The following KDM1B variants were observed in gnomAD, a reference collection of about 807,000 sequenced individuals.
KDM1B encodes lysine-specific histone demethylase 2.
In KDM1B, 63 loss-of-function variants were observed where a neutral mutation model predicts 107.4. The observed-to-expected ratio is 0.59, with a 90% CI of 0.48 to 0.72. KDM1B has a LOEUF of 0.72. Ranked by LOEUF, KDM1B falls within the 30% of genes least tolerant of loss-of-function variation. The pLI is 0.00. For missense variants in KDM1B, 749 were observed against 1,020.8 expected (o/e 0.73, Z 3.63); for synonymous variants, 363 against 363.9 (o/e 1.00, Z 0.03).
At position 18,165,561 on chromosome 6, in the gene KDM1B, G is replaced by A. The variant is rs145525383; in HGVS notation, c.306-706G>A. On this transcript the variant is annotated intron_variant, in intron 5 of 21. Transcript: ENST00000650836. ...TTCTAGGCTAGGTGCAGTGGCTCAC[G>A]CCTATAATCCCAGCACTTTGGAAGG... is the stretch of plus-strand genomic sequence containing the variant. Among the ~76,000 whole-genome samples, 11 of 152,222 alleles carry A rather than the reference G, an allele frequency of 7.2e-5. No homozygotes were observed. In the East Asian group the frequency reaches 1.2e-3, roughly 16 times the overall value.
rs371690485 is a variant in KDM1B at position 18,222,690 on chromosome 6, A to C, written c.*698A>C. ...CCAGATAGGTATTGTATCATTGAGA[A>C]TGCAGCACAGATAGTGTGGGCTTCA... On this transcript the variant is annotated 3_prime_UTR_variant, in exon 22 of 22. Coordinates refer to ENST00000650836, the MANE Select transcript of KDM1B (RefSeq NM_001364614.2). 1 of 155,860 alleles carries C rather than the reference A, an allele frequency of 6.4e-6. No homozygotes were observed. Among genetic ancestry groups the C allele is most frequent in the Non-Finnish European group, 1.4e-5 (1 of 70,312 alleles). 9.7% of individuals were successfully genotyped at this position (155,860 alleles called of 1,614,324 possible).
intron 10 of KDM1B, among the ~76,000 whole-genome samples, chr6:18,192,082 G>C: frequency 6.6e-6 from 1 of 151,898 alleles, no homozygotes. Context: ...AACATAATGA[G>C]ACCCCCCCAT....
rs1787722527 is a variant in KDM1B, at chr6:18,197,456, T to G, written c.1147-131T>G. ...AATAAGACAAGTGCCACCACATTCT[T>G]TAGGAAAATAACTTTCTAAGGACAT... On this transcript the variant is annotated intron_variant, in intron 11 of 21. Transcript: ENST00000650836. The surrounding 1 kb of genome is among the most constrained non-coding windows in gnomAD (Gnocchi z 4.5). The G allele has an allele frequency of 3.6e-6, 3 of 834,200 alleles. No individual in the cohort carries two copies. The highest frequency in any genetic ancestry group is 1.5e-5 in the South Asian group (1 of 65,748). 51.7% of individuals were successfully genotyped at this position (834,200 alleles called of 1,614,324 possible).
chr6:18,212,597 T>A lies in KDM1B; in HGVS notation c.1976T>A (p.Ile659Asn). 1 of 1,607,766 alleles carries A rather than the reference T, an allele frequency of 6.2e-7. No homozygotes were observed. The highest frequency in any genetic ancestry group is 2.2e-5 in the East Asian group (1 of 44,864). Residue 659 changes from isoleucine (I) to asparagine (N), a missense_variant, in exon 18 of 22, where the codon ATT becomes AAT. Coordinates refer to ENST00000650836, the MANE Select transcript of KDM1B (RefSeq NM_001364614.2). This position sits in a 1 kb window ranked among gnomAD's most constrained non-coding sequence, Gnocchi z 5.2. The part of the protein sequence containing the change: ...KAINSLGAGI[I>N]EKIALQFPYR... ...ATCAACAGCTTAGGCGCAGGCATCA[T>A]TGAAAAGGTGACTGAAATGACCTCA...
chr6:18,156,705 G>C (rs949474227), intron 2 of KDM1B, among the ~76,000 whole-genome samples: 1 of 152,026 alleles, frequency 6.6e-6, no homozygotes, highest in Non-Finnish European at 1.5e-5. Flanking sequence ...CTTGAGGTCA[G>C]GAGTACTTCA....
intron 10 of KDM1B, among the ~76,000 whole-genome samples, chr6:18,195,856 C>T (rs978931644): frequency 6.6e-6 from 1 of 152,020 alleles, no homozygotes; most frequent in African/African-American, 2.4e-5. Flanking sequence ...AAACTCTCTC[C>T]ATGATATTCA....
chr6:18,198,401 G>C (rs755379339), intron 12 of KDM1B, among the ~76,000 whole-genome samples: 3 of 150,302 alleles, frequency 2.0e-5, no homozygotes, highest in Non-Finnish European at 4.4e-5. Context: ...GCTAATTTTT[G>C]TATTTTTGGT....
At chr6:18,217,504 G>A (rs568875148) in intron 20 of KDM1B, among the ~76,000 whole-genome samples, 8 of 150,528 alleles carry the variant, frequency 5.3e-5, no homozygotes, top group African/African-American at 7.3e-5. Context: ...TCAGCCTCCC[G>A]AGTAGCTGGG....
chr6:18,217,833 C>A lies in KDM1B; in HGVS notation c.2333C>A (p.Ala778Asp), dbSNP rs773264009. The stretch of plus-strand genomic sequence containing the variant: ...GTGAAGACAGGTGGAAGTGGGGAGG[C>A]CTACGATATCATTGCTGAAGACATT... ...SFVKTGGSGEAYDIIAEDIQG... is the reference protein window; with the variant it reads ...SFVKTGGSGEDYDIIAEDIQG... The change falls in exon 21 of 22, where the codon GCC (alanine) becomes GAC (aspartate). Residue 778 changes from alanine (A) to aspartate (D), a missense_variant. By Grantham distance (126) the Ala-to-Asp change is moderately radical (BLOSUM62 -2). Coordinates refer to ENST00000650836, the MANE Select transcript of KDM1B (RefSeq NM_001364614.2). The A allele has an allele frequency of 6.2e-7, 1 of 1,613,806 alleles. No homozygotes were observed. Among genetic ancestry groups the A allele is most frequent in the Non-Finnish European group, 8.5e-7 (1 of 1,179,936 alleles).
At chr6:18,177,616 C>T (rs1440811789) in intron 7 of KDM1B, among the ~76,000 whole-genome samples, 2 of 151,400 alleles carry the variant, frequency 1.3e-5, no homozygotes, top group African/African-American at 4.9e-5. Context: ...GCTCTATTGC[C>T]CAGGCTGGTC....
intron 7 of KDM1B, among the ~76,000 whole-genome samples, chr6:18,184,735 C>CTTTTTTTT (rs1786725164): frequency 5.6e-5 from 3 of 53,580 alleles, no homozygotes; most frequent in African/African-American, 1.6e-4. Flanking sequence ...TAGCTTTTTT[C>CTTTTTTTT]CTTTTTTTTT....
intron 7 of KDM1B, among the ~76,000 whole-genome samples, chr6:18,176,144 A>C (rs1369784346): frequency 6.6e-6 from 1 of 152,000 alleles, no homozygotes; most frequent in African/African-American, 2.4e-5. Context: ...AGTGTTTTGT[A>C]GTTTTCCTTG....
In KDM1B at chr6:18,158,205, T is replaced by G. The variant is rs528750005; in HGVS notation, c.-13-1678T>G. Among the ~76,000 whole-genome samples the G allele has an allele frequency of 2.0e-5, 3 of 151,846 alleles. No homozygotes were observed. The East Asian group carries it at 5.8e-4, about 30-fold the overall frequency. On this transcript the variant is annotated intron_variant, in intron 2 of 21. Coordinates refer to ENST00000650836, the MANE Select transcript of KDM1B (RefSeq NM_001364614.2). ...GCAGTTTATTTAATGCTTAAAGAAC[T>G]ATAGTGCATTTCAGAATATGTAGGG...
intron 12 of KDM1B, among the ~76,000 whole-genome samples, chr6:18,198,659 A>AC (rs1241381984): frequency 6.9e-6 from 1 of 145,250 alleles, no homozygotes; most frequent in Non-Finnish European, 1.5e-5. Flanking sequence ...AAAAAAAAAC[A>AC]AAACGCCCTT....
Position 18,166,370 on chromosome 6 carries a change from C to G in KDM1B, c.409C>G (p.Pro137Ala). ...AGCTTTCATGGCAGACCAGCAACTCCCCTACTGGGTAAGGAGAGTGATGCT... is the reference window on the plus strand; with the variant it reads ...AGCTTTCATGGCAGACCAGCAACTCGCCTACTGGGTAAGGAGAGTGATGCT... ...PKAFMADQQL[P>A]YWVQCTKPEC... The change falls in exon 6 of 22, where the codon CCC (proline) becomes GCC (alanine). Residue 137 changes from proline to alanine, a missense_variant. Pro to Ala is a conservative substitution (Grantham distance 27). Coordinates refer to ENST00000650836, the MANE Select transcript of KDM1B (RefSeq NM_001364614.2). The G allele has an allele frequency of 6.3e-7, 1 of 1,592,474 alleles. No individual in the cohort carries two copies. The highest frequency in any genetic ancestry group is 8.6e-7 in the Non-Finnish European group (1 of 1,160,286).
chr6:18,184,736 C>CTTTTTTTTTTTTTTTTTTT (rs58897300), intron 7 of KDM1B, among the ~76,000 whole-genome samples: 4 of 65,434 alleles, frequency 6.1e-5, no homozygotes, highest in Non-Finnish European at 1.1e-4. Flanking sequence ...AGCTTTTTTC[C>CTTTTTTTTTTTTTTTTTTT]TTTTTTTTTT....
At chr6:18,218,878 A>G (rs1003703511) in intron 21 of KDM1B, among the ~76,000 whole-genome samples, 1 of 151,770 alleles carries the variant, frequency 6.6e-6, no homozygotes, top group Non-Finnish European at 1.5e-5. Context: ...ATTTAAATTT[A>G]ATTTAATTTA....
At chr6:18,206,825 A>G (rs1205663966) in intron 15 of KDM1B, among the ~76,000 whole-genome samples, 1 of 152,100 alleles carries the variant, frequency 6.6e-6, no homozygotes, top group Non-Finnish European at 1.5e-5. Flanking sequence ...GCCAAAATAG[A>G]GTATCCTTGC....
chr6:18,174,281 AC>A (rs1785850281), intron 7 of KDM1B, among the ~76,000 whole-genome samples: 1 of 151,768 alleles, frequency 6.6e-6, no homozygotes, highest in South Asian at 2.1e-4. Flanking sequence ...CTATTCTAGG[AC>A]CCTTATATTT....
Sources: allele counts gnomAD v4.1 joint callset (sites outside exome capture counted in the v4.1 genomes callset), GRCh38; gene constraint gnomAD v4.1.1; non-coding constraint Gnocchi (gnomAD v3.1); transcripts MANE v1.5; gene names NCBI Gene and HGNC (gene_info 2026-07-23, HGNC 2026-07-21).